The following ZNF318 variants were observed in gnomAD, a reference collection of about 807,000 sequenced individuals.
ZNF318 encodes the protein endocrine regulator.
Under a neutral mutation model 124.2 loss-of-function variants are expected in ZNF318, and 51 were observed. That is an observed-to-expected ratio of 0.41 (90% confidence interval 0.33 to 0.52). ZNF318 has a LOEUF of 0.52. Among genes scored for constraint, ZNF318 ranks in the 20% least tolerant of loss-of-function variants. The probability of loss-of-function intolerance (pLI) is 0.23; values close to 1 mark genes in which losing one functional copy is unlikely to be tolerated. For synonymous variants in ZNF318, 1,090 were observed against 1,040.7 expected (o/e 1.05, Z -0.91); for missense variants, 2,815 against 2,811.2 (o/e 1.00, Z -0.03).
Position 43,337,940 on chromosome 6 carries a change from T to A in ZNF318, c.6058A>T (p.Met2020Leu), listed in dbSNP as rs150156241. ...ELTALGNLGDMPVDFCTTRVS... is the reference protein window; with the variant it reads ...ELTALGNLGDLPVDFCTTRVS... ...CGAGTAGTGCAGAAATCAACAGGCA[T>A]ATCCCCCAGATTCCCCAGGGCAGTA... Residue 2020 changes from methionine to leucine, a missense_variant, in exon 10 of 10, where the codon ATG becomes TTG. Met to Leu is a conservative substitution (Grantham distance 15, BLOSUM62 2). Coordinates refer to ENST00000361428, the MANE Select transcript of ZNF318 (RefSeq NM_014345.3). 2 of 1,614,114 alleles carry A rather than the reference T, an allele frequency of 1.2e-6. No individual in the cohort carries two copies. Among genetic ancestry groups the A allele is most frequent in the African/African-American group, 2.7e-5 (2 of 74,940 alleles).
At chr6:43,361,081 C>T (rs1213234333) in intron 2 of ZNF318, among the ~76,000 whole-genome samples, 2 of 152,164 alleles carry the variant, frequency 1.3e-5, no homozygotes, top group Non-Finnish European at 2.9e-5. Flanking sequence ...ATATAGTATA[C>T]AAATTACATC....
intron 6 of ZNF318, among the ~76,000 whole-genome samples, chr6:43,344,343 T>C (rs1205775587): frequency 3.3e-5 from 5 of 152,210 alleles, no homozygotes; most frequent in Admixed American, 3.3e-4. Flanking sequence ...ATTCACTCCT[T>C]GACATTTATC....
chr6:43,362,515 CGTCT>C (rs2150757084), intron 2 of ZNF318, among the ~76,000 whole-genome samples: 1 of 113,384 alleles, frequency 8.8e-6, no homozygotes, highest in East Asian at 2.6e-4. Context: ...TCTACATACA[CGTCT>C]TTTTTTTTTT....
intron 5 of ZNF318, among the ~76,000 whole-genome samples, 194 bp downstream of exon 5, chr6:43,352,183 T>TCACCAC (rs560381745): frequency 2.6e-4 from 29 of 110,432 alleles, no homozygotes; most frequent in Non-Finnish European, 3.7e-4. Context: ...ATCATCATCA[T>TCACCAC]CACCACCACC....
intron 1 of ZNF318, among the ~76,000 whole-genome samples, chr6:43,367,637 C>A (rs1779779320): frequency 6.6e-6 from 1 of 152,184 alleles, no homozygotes; most frequent in African/African-American, 2.4e-5. Context: ...ATGCTATTTA[C>A]TCAGACAGAA....
rs778044038 is a variant in ZNF318 at position 43,338,219 on chromosome 6, C to T, written c.5779G>A (p.Glu1927Lys). The T allele has an allele frequency of 1.9e-6, 3 of 1,614,142 alleles. No individual in the cohort carries two copies. The highest frequency in any genetic ancestry group is 1.7e-6 in the Non-Finnish European group (2 of 1,180,034). ...TACCTAGAAGTTCTAGAAGCTGATTCTGGAGCTGAATTCTCTAGCCCCTCC... is the reference window on the plus strand; with the variant it reads ...TACCTAGAAGTTCTAGAAGCTGATTTTGGAGCTGAATTCTCTAGCCCCTCC... ...SEEGLENSAP[E>K]SASRTSRYRS... Residue 1927 changes from glutamate (E) to lysine (K), a missense_variant, in exon 10 of 10, where the codon GAA becomes AAA. Glu to Lys is a moderately conservative substitution (Grantham distance 56). Around this residue, in one of 4 missense-constraint regions of ZNF318, gnomAD observed 927 missense variants for 820.6 expected, o/e 1.13. Transcript: ENST00000361428.
rs375242821 is a variant in ZNF318 at position 43,340,118 on chromosome 6, T to G, written c.3880A>C (p.Ser1294Arg). ...TCTAGAATCTCTTCTTTAGAGATAC[T>G]TGGGGTCACCAATGAACTTTTCTCC... is the stretch of plus-strand genomic sequence containing the variant. ...EEEKSSLVTP[S>R]ISKEEILESS... is the part of the protein sequence containing the mutation. The change falls in exon 10 of 10, where the codon AGT becomes CGT. Residue 1294 changes from serine to arginine, a missense_variant. Coordinates refer to ENST00000361428, the MANE Select transcript of ZNF318 (RefSeq NM_014345.3). The G allele has an allele frequency of 1.1e-5, 17 of 1,614,106 alleles. No individual in the cohort carries two copies. Among genetic ancestry groups the G allele is most frequent in the Non-Finnish European group, 1.4e-5 (17 of 1,180,048 alleles).
At chr6:43,350,820 A>C (rs541176363) in intron 5 of ZNF318, among the ~76,000 whole-genome samples, 8 of 152,286 alleles carry the variant, frequency 5.3e-5, no homozygotes, top group African/African-American at 1.4e-4. Context: ...TCTCAAAAAA[A>C]ATTTTTAAAT....
At chr6:43,343,016 G>A (rs1246422046) in intron 6 of ZNF318, 137 bp from the exon 7 acceptor site, 1 of 693,646 alleles carries the variant, frequency 1.4e-6, no homozygotes, top group African/African-American at 1.8e-5. Context: ...GCACAAGTTG[G>A]GGGGAACCCT....
At chr6:43,351,236 C>G (rs777885195) in intron 5 of ZNF318, among the ~76,000 whole-genome samples, 3 of 152,096 alleles carry the variant, frequency 2.0e-5, no homozygotes, top group Non-Finnish European at 4.4e-5. Context: ...AAGAAGAGTA[C>G]AGGAACGTGA....
In ZNF318 at chr6:43,345,021, G is replaced by A. The variant is rs553750902; in HGVS notation, c.3073-2142C>T. Among the ~76,000 whole-genome samples the A allele has an allele frequency of 2.1e-4, 32 of 152,186 alleles. 1 individual carries two copies. The South Asian group carries it at 6.2e-3, about 30-fold the overall frequency. On this transcript the variant is annotated intron_variant, in intron 6 of 9. Transcript: ENST00000361428. ...GCACTTTGGGAGGCTGAGGTGGGCAGATTACTTGAGCTTAGGAGTTCGGGA... is the reference window on the plus strand; with the variant it reads ...GCACTTTGGGAGGCTGAGGTGGGCAAATTACTTGAGCTTAGGAGTTCGGGA...
In ZNF318 at chr6:43,338,385, T is replaced by G; in HGVS notation, c.5613A>C (p.Leu1871Phe). The change falls in exon 10 of 10, where the codon TTA becomes TTC. Residue 1871 changes from leucine (L) to phenylalanine (F), a missense_variant. This residue lies in a region of ZNF318 where 927 missense variants were observed against 820.6 expected (regional missense o/e 1.13). Coordinates refer to ENST00000361428, the MANE Select transcript of ZNF318 (RefSeq NM_014345.3). ...GGTTGAGTAAAGACCTAGCTTCTGA[T>G]AAAAATGAGTCTAATTTTGCCTTTG... ...SFTKAKLDSF[L>F]SEARSLLNPQ... 2 of 1,614,222 alleles carry G rather than the reference T, an allele frequency of 1.2e-6. No individual in the cohort carries two copies. Among genetic ancestry groups the G allele is most frequent in the Middle Eastern group, 1.6e-4 (1 of 6,062 alleles).
chr6:43,337,309 C>A lies in ZNF318; in HGVS notation c.6689G>T (p.Gly2230Val). The A allele has an allele frequency of 6.2e-7, 1 of 1,614,110 alleles. No individual in the cohort carries two copies. The highest frequency in any genetic ancestry group is 1.7e-5 in the Admixed American group (1 of 60,002). Residue 2230 changes from glycine to valine, a missense_variant, in exon 10 of 10, where the codon GGC becomes GTC. Gly to Val is a moderately radical substitution (Grantham distance 109). Around this residue, in one of 4 missense-constraint regions of ZNF318, gnomAD observed 927 missense variants for 820.6 expected, o/e 1.13. Coordinates refer to ENST00000361428, the MANE Select transcript of ZNF318 (RefSeq NM_014345.3). ...VAILQVDDDS[G>V]DPLNLVKAPV... ...AGCTTTAACCAAATTCAGAGGGTCGCCACTGTCATCATCTACTTGCAGAAT... is the reference window on the plus strand; with the variant it reads ...AGCTTTAACCAAATTCAGAGGGTCGACACTGTCATCATCTACTTGCAGAAT...
At chr6:43,351,283 GCTATAAA>G (rs1779520896) in intron 5 of ZNF318, among the ~76,000 whole-genome samples, 1 of 152,208 alleles carries the variant, frequency 6.6e-6, no homozygotes, top group Non-Finnish European at 1.5e-5. Flanking sequence ...ACTTTGTTTT[GCTATAAA>G]GGGCATTAAC....
chr6:43,361,447 C>T (rs1187687861), intron 2 of ZNF318, among the ~76,000 whole-genome samples: 1 of 152,180 alleles, frequency 6.6e-6, no homozygotes, highest in Non-Finnish European at 1.5e-5. Context: ...AGCCCATAGT[C>T]CTAGCTACTC....
chr6:43,341,337 C>T (rs1779371325), intron 8 of ZNF318, among the ~76,000 whole-genome samples: 2 of 152,136 alleles, frequency 1.3e-5, no homozygotes, highest in Non-Finnish European at 2.9e-5. Context: ...GCAGCACTAG[C>T]TACTTGTGAA....
intron 2 of ZNF318, among the ~76,000 whole-genome samples, chr6:43,358,414 A>AATT (rs1554195649): frequency 3.2e-5 from 4 of 124,782 alleles, no homozygotes; most frequent in Non-Finnish European, 4.9e-5. Flanking sequence ...CACCCGGCTA[A>AATT]TTTTTTTTTT....
rs1562127140 is a variant in ZNF318, at chr6:43,337,615, T to C, written c.6383A>G (p.Asp2128Gly). The C allele has an allele frequency of 1.2e-6, 2 of 1,614,094 alleles. No homozygotes were observed. The highest frequency in any genetic ancestry group is 1.7e-5 in the Admixed American group (1 of 60,008). ...GGLEGTHQAL[D>G]LLAGGMMPEE... is the part of the protein sequence containing the mutation. ...AGGCATCATTCCTCCTGCTAACAGG[T>C]CAAGGGCCTGGTGTGTTCCCTCTAG... Residue 2128 changes from aspartate to glycine, a missense_variant, in exon 10 of 10, where the codon GAC becomes GGC. Asp to Gly is a moderately conservative substitution (Grantham distance 94, BLOSUM62 -1). Coordinates refer to ENST00000361428, the MANE Select transcript of ZNF318 (RefSeq NM_014345.3).
At chr6:43,346,622 A>C (rs1483022506) in intron 6 of ZNF318, among the ~76,000 whole-genome samples, 2 of 152,118 alleles carry the variant, frequency 1.3e-5, no homozygotes, top group Non-Finnish European at 2.9e-5. Context: ...CAAAGAAACA[A>C]ATTACAGAGT....
Sources: allele counts gnomAD v4.1 joint callset (sites outside exome capture counted in the v4.1 genomes callset), GRCh38; gene constraint gnomAD v4.1.1; regional missense constraint gnomAD v4.1.1; transcripts MANE v1.5; gene names NCBI Gene and HGNC (gene_info 2026-07-23, HGNC 2026-07-21).